CDH12: variants seen among roughly 807,000 people sequenced by gnomAD.
The protein encoded by CDH12 is cadherin-12.
CDH12 carries 41 observed loss-of-function variants against 74.1 expected under a neutral mutation model. The observed-to-expected ratio is 0.55, with a 90% CI of 0.43 to 0.72. The LOEUF is 0.72. Among genes scored for constraint, CDH12 ranks in the 30% least tolerant of loss-of-function variants. The pLI, the probability that CDH12 is intolerant of heterozygous loss-of-function variation, is 0.00. For synonymous variants in CDH12, 399 were observed against 355.0 expected (o/e 1.12, Z -1.39); for missense variants, 945 against 977.2 (o/e 0.97, Z 0.44).
At position 21,765,014 on chromosome 5, in the gene CDH12, A is replaced by AT; in HGVS notation, c.1478dup (p.Tyr493Ter). 1 of 1,613,660 alleles carries AT rather than the reference A, an allele frequency of 6.2e-7. No homozygotes were observed. The highest frequency in any genetic ancestry group is 8.5e-7 in the Non-Finnish European group (1 of 1,179,718). The part of the protein sequence containing the change: ...NEFPPEISVP[Y>*]ETAVCENAKP... ...TGGCATTTTCACACACGGCTGTCTCATATGGCACAGATATTTCTGGAGGAA... is the reference window on the plus strand; with the variant it reads ...TGGCATTTTCACACACGGCTGTCTCATTATGGCACAGATATTTCTGGAGGAA... The change falls in exon 12 of 15, where the codon TAT (tyrosine) becomes TAAT (stop). Residue 493 changes from tyrosine to a stop codon, truncating the protein, a stop_gained and frameshift_variant. Coordinates refer to ENST00000382254, the MANE Select transcript of CDH12 (RefSeq NM_004061.5). LOFTEE classifies it high-confidence loss of function.
intron 2 of CDH12, among the ~76,000 whole-genome samples, chr5:22,455,933 A>G (rs1745247066): frequency 6.6e-6 from 1 of 152,164 alleles, no homozygotes. Flanking sequence ...TGGTGGGTTG[A>G]TTGATGTTCA....
At chr5:22,651,150 G>A (rs185097401) in intron 1 of CDH12, among the ~76,000 whole-genome samples, 6 of 152,154 alleles carry the variant, frequency 3.9e-5, no homozygotes, top group Admixed American at 3.9e-4. Context: ...CAGCTTGCCT[G>A]TTTGACCTTA....
At chr5:22,285,066 G>C (rs1737075050) in intron 3 of CDH12, among the ~76,000 whole-genome samples, 1 of 151,210 alleles carries the variant, frequency 6.6e-6, no homozygotes, top group South Asian at 2.1e-4. Flanking sequence ...TGAGAAAGAA[G>C]TTATTTATCT....
intron 1 of CDH12, among the ~76,000 whole-genome samples, chr5:22,663,828 C>CAT (rs57317069): frequency 0.75 from 114,556 of 151,762 alleles, 43,807 homozygotes; most frequent in African/African-American, 0.88. Flanking sequence ...TTTACAATAA[C>CAT]AATTATATAT....
intron 3 of CDH12, among the ~76,000 whole-genome samples, chr5:22,351,542 T>A (rs1580552757): frequency 1.3e-5 from 2 of 152,212 alleles, no homozygotes; most frequent in East Asian, 3.9e-4. Flanking sequence ...CATCTGTCAC[T>A]TTGAAATTAA....
chr5:21,891,820 AG>A (rs1291433538), intron 6 of CDH12, among the ~76,000 whole-genome samples: 1 of 152,104 alleles, frequency 6.6e-6, no homozygotes, highest in African/African-American at 2.4e-5. Context: ...TTTTGAAACA[AG>A]GGCCAAGTTT....
chr5:21,864,129 ATG>A lies in CDH12; in HGVS notation c.527-9341_527-9340del, dbSNP rs56781565. Among the ~76,000 whole-genome samples the A allele has an allele frequency of 1.9e-3, 290 of 149,492 alleles. 1 individual carries two copies. Among genetic ancestry groups the A allele is most frequent in the African/African-American group, 5.9e-3 (243 of 40,912 alleles). ...CAGAGAAATGTAAAACAGAAAGAAT[ATG>A]TGTGTGTGTGTGTGTGTGTGCATGT... On this transcript the variant is annotated intron_variant, in intron 6 of 14. Coordinates refer to ENST00000382254, the MANE Select transcript of CDH12 (RefSeq NM_004061.5).
chr5:22,477,771 T>C (rs1313510503), intron 2 of CDH12, among the ~76,000 whole-genome samples: 2 of 152,130 alleles, frequency 1.3e-5, no homozygotes, highest in African/African-American at 4.8e-5. Context: ...AAAAACCTCA[T>C]GAGCAATAAG....
intron 1 of CDH12, among the ~76,000 whole-genome samples, chr5:22,578,876 C>T (rs1739935174): frequency 6.6e-6 from 1 of 152,114 alleles, no homozygotes; most frequent in Non-Finnish European, 1.5e-5. Context: ...ATTTTAGGTT[C>T]AGAGTTCAAT....
chr5:22,845,778 G>T (rs141754723), intron 1 of CDH12, among the ~76,000 whole-genome samples: 1 of 152,220 alleles, frequency 6.6e-6, no homozygotes, highest in East Asian at 1.9e-4. Flanking sequence ...AAATGGAGGG[G>T]CTTGACAAGA....
chr5:21,833,518 G>GTAATATATTATATAATATA (rs1749345881), intron 8 of CDH12, among the ~76,000 whole-genome samples: 2 of 49,028 alleles, frequency 4.1e-5, no homozygotes, highest in African/African-American at 6.6e-4. Flanking sequence ...TATGGCATAT[G>GTAATATATTATATAATATA]TGATATGTCA....
At chr5:21,818,192 T>C (rs1748167603) in intron 8 of CDH12, among the ~76,000 whole-genome samples, 1 of 152,016 alleles carries the variant, frequency 6.6e-6, no homozygotes, top group Non-Finnish European at 1.5e-5. Flanking sequence ...TTTCAGTTTC[T>C]CTTACCGGAT....
At chr5:22,356,691 C>T (rs1740575566) in intron 3 of CDH12, among the ~76,000 whole-genome samples, 2 of 152,130 alleles carry the variant, frequency 1.3e-5, no homozygotes, top group Admixed American at 1.3e-4. Flanking sequence ...CCATGATTAA[C>T]TCCAAGTATA....
At chr5:22,737,014 G>A (rs909915936) in intron 1 of CDH12, among the ~76,000 whole-genome samples, 7 of 152,024 alleles carry the variant, frequency 4.6e-5, no homozygotes, top group African/African-American at 1.7e-4. Context: ...GTATAGTTAA[G>A]ACTAGGCTTT....
intron 6 of CDH12, chr5:21,883,929 T>C: frequency 6.2e-7 from 1 of 1,608,682 alleles, no homozygotes; most frequent in Non-Finnish European, 8.5e-7. Context: ...CCTCCTTCGA[T>C]GCATTCCAGC....
intron 8 of CDH12, among the ~76,000 whole-genome samples, chr5:21,840,438 T>A (rs1220260334): frequency 6.6e-6 from 1 of 152,054 alleles, no homozygotes; most frequent in African/African-American, 2.4e-5. Flanking sequence ...TAATTTTTTT[T>A]TTTTTAGATT....
intron 2 of CDH12, among the ~76,000 whole-genome samples, chr5:22,502,446 C>T (rs1340378133): frequency 6.6e-6 from 1 of 152,002 alleles, no homozygotes; most frequent in Non-Finnish European, 1.5e-5. Flanking sequence ...TCTTTATTAG[C>T]AGCGTGAGAA....
At chr5:21,976,489 T>G (rs530569863) in intron 5 of CDH12, among the ~76,000 whole-genome samples, 6 of 150,470 alleles carry the variant, frequency 4.0e-5, no homozygotes, top group African/African-American at 1.5e-4. Context: ...GCATCATATA[T>G]AATTTTCTAG....
intron 3 of CDH12, among the ~76,000 whole-genome samples, chr5:22,256,881 A>G (rs1753337515): frequency 6.6e-6 from 1 of 152,202 alleles, no homozygotes; most frequent in Non-Finnish European, 1.5e-5. Context: ...TTAAAGACAC[A>G]TGCAAGTGTA....
Sources: allele counts gnomAD v4.1 joint callset (sites outside exome capture counted in the v4.1 genomes callset), GRCh38; gene constraint gnomAD v4.1.1; transcripts MANE v1.5; gene names NCBI Gene and HGNC (gene_info 2026-07-23, HGNC 2026-07-21).